The following ALS2CL variants were observed in gnomAD, a reference collection of about 807,000 sequenced individuals.
ALS2CL encodes ALS2 C-terminal like.
In ALS2CL, 112 loss-of-function variants were observed where a neutral mutation model predicts 127.9. The ratio of observed to expected loss-of-function variants is 0.88; its 90% confidence interval spans 0.75 to 1.02. ALS2CL has a LOEUF of 1.02. Ranked by LOEUF, ALS2CL falls within the 50% of genes least tolerant of loss-of-function variation. ALS2CL has a pLI of 0.00. For synonymous variants in ALS2CL, 519 were observed against 527.6 expected, an observed-to-expected ratio of 0.98 and a Z score of 0.22; for missense variants, 1,174 against 1,236.7, an observed-to-expected ratio of 0.95 and a Z score of 0.76.
At chr3:46,687,569 C>T (rs1490781160) in intron 4 of ALS2CL, 50 bp downstream of exon 4, 2 of 1,601,560 alleles carry the variant, frequency 1.2e-6, no homozygotes, top group Non-Finnish European at 1.7e-6. Flanking sequence ...CCCACCCTCA[C>T]TCAGGCACTC....
chr3:46,671,427 A>T, intron 25 of ALS2CL, 61 bp downstream of exon 25: 1 of 1,604,746 alleles, frequency 6.2e-7, no homozygotes, highest in Non-Finnish European at 8.5e-7. Context: ...CTGGGAAGGG[A>T]AAAGGGTCTG....
At chr3:46,688,339 C>A (rs112038803) in intron 2 of ALS2CL, 43 bp from the exon 3 acceptor site, 1 of 1,581,168 alleles carries the variant, frequency 6.3e-7, no homozygotes, top group Non-Finnish European at 8.6e-7. Flanking sequence ...AGGACGTGGG[C>A]TCCATCTCCC....
At chr3:46,687,288 A>T in intron 4 of ALS2CL, 140 bp from the exon 5 acceptor site, 1 of 948,352 alleles carries the variant, frequency 1.1e-6, no homozygotes, top group Non-Finnish European at 1.5e-6. Flanking sequence ...TCAGATCAAC[A>T]CAGTACCTGA....
chr3:46,687,586 T>C (rs767374958), intron 4 of ALS2CL, 33 bp downstream of exon 4: 16 of 1,608,366 alleles, frequency 9.9e-6, no homozygotes, highest in Non-Finnish European at 8.5e-7. Flanking sequence ...ACTCCCACCC[T>C]GTCAGGGGCC....
At chr3:46,671,276 G>T (rs910914654) in intron 25 of ALS2CL, among the ~76,000 whole-genome samples, 1 of 152,148 alleles carries the variant, frequency 6.6e-6, no homozygotes, top group Non-Finnish European at 1.5e-5. Context: ...ATGGCCCCAG[G>T]GTCCCCAGGG....
intron 1 of ALS2CL, among the ~76,000 whole-genome samples, chr3:46,690,940 G>C (rs1290277242): frequency 6.6e-6 from 1 of 152,246 alleles, no homozygotes; most frequent in Non-Finnish European, 1.5e-5. Context: ...TCTGGCCAAA[G>C]GCCCAGGCCA....
In ALS2CL at chr3:46,676,792, C is replaced by T. The variant is rs1264712463; in HGVS notation, c.1932-54G>A. 1.4e-5 allele frequency: 22 copies of T among 1,607,606 alleles called. No individual in the cohort carries two copies. The South Asian group carries it at 1.9e-4, about 14-fold the overall frequency. ...CACACCTCGGCCCAGCCCCCTCCCC[C>T]CAGGAAGCCCTCCCCAGCCCACCCT... On this transcript the variant is annotated intron_variant, in intron 17 of 25. Coordinates refer to ENST00000318962, the MANE Select transcript of ALS2CL (RefSeq NM_147129.5).
In ALS2CL at chr3:46,688,247, T is replaced by C; in HGVS notation, c.153A>G (p.Gln51=). 1 of 1,612,904 alleles carries C rather than the reference T, an allele frequency of 6.2e-7. No individual in the cohort carries two copies. The highest frequency in any genetic ancestry group is 8.5e-7 in the Non-Finnish European group (1 of 1,179,964). ...GTTGCTGGGAGCTCTTGTGCAGCTG[T>C]TGCAAGAGCCGCAGGCACTCTCTGC... ...PWGRECLRLL[Q]QLHKSSQQLW... Residue 51 remains glutamine, a synonymous_variant, in exon 3 of 26, where the codon CAA becomes CAG. Coordinates refer to ENST00000318962, the MANE Select transcript of ALS2CL (RefSeq NM_147129.5).
chr3:46,685,456 T>C, intron 7 of ALS2CL, 69 bp downstream of exon 7: 1 of 1,585,246 alleles, frequency 6.3e-7, no homozygotes, highest in East Asian at 2.3e-5. Flanking sequence ...GCCCCTTTAC[T>C]GCTCCTTTTC....
intron 19 of ALS2CL, 61 bp from the exon 20 acceptor site, chr3:46,675,747 C>T: frequency 6.2e-7 from 1 of 1,608,684 alleles, no homozygotes; most frequent in Admixed American, 1.7e-5. Context: ...GGAGTTCTAC[C>T]ACCAGTCAAC....
At position 46,689,434 on chromosome 3, in the gene ALS2CL, T is replaced by C; in HGVS notation, c.7A>G (p.Asn3Asp). Residue 3 changes from asparagine (N) to aspartate (D), a missense_variant, in exon 2 of 26, where the codon AAC (asparagine) becomes GAC (aspartate). Coordinates refer to ENST00000318962, the MANE Select transcript of ALS2CL (RefSeq NM_147129.5). ...CGCAGCAGAGCTGCCTCCTCAGGGT[T>C]GCACATGGCCAGGTGCCGGACTCAG... The part of the protein sequence containing the change: MC[N>D]PEEAALLRLE... 6.2e-7 allele frequency: 1 copy of C among 1,609,260 alleles called. No individual in the cohort carries two copies. The highest frequency in any genetic ancestry group is 8.5e-7 in the Non-Finnish European group (1 of 1,178,340).
In ALS2CL at chr3:46,687,112, C is replaced by G. The variant is rs1223774225; in HGVS notation, c.405G>C (p.Gln135His). 4 of 1,568,658 alleles carry G rather than the reference C, an allele frequency of 2.5e-6. No individual in the cohort carries two copies. The South Asian group carries it at 3.5e-5, about 14-fold the overall frequency. Residue 135 changes from glutamine (Q) to histidine (H), a missense_variant, in exon 5 of 26, where the codon CAG becomes CAC. Gln to His is a conservative substitution (Grantham distance 24). Coordinates refer to ENST00000318962, the MANE Select transcript of ALS2CL (RefSeq NM_147129.5). ...YWRGQRKALRQLLSGVSSEGS... is the reference protein window; with the variant it reads ...YWRGQRKALRHLLSGVSSEGS... ...CCTCTGAGCTCACACCTGAAAGCAG[C>G]TGCCGCAGCGCCTTCCGCTGGCCCC...
At chr3:46,674,255 G>A (rs1386010042) in intron 21 of ALS2CL, among the ~76,000 whole-genome samples, 2 of 152,222 alleles carry the variant, frequency 1.3e-5, no homozygotes, top group African/African-American at 4.8e-5. Context: ...GGGGCTCTGA[G>A]GGAGCTGTTG....
At chr3:46,684,094 C>T in intron 7 of ALS2CL, 47 bp from the exon 8 acceptor site, 3 of 1,543,036 alleles carry the variant, frequency 1.9e-6, no homozygotes, top group Non-Finnish European at 2.6e-6. Flanking sequence ...AGGCCAGATG[C>T]TCACCTACCC....
intron 14 of ALS2CL, 113 bp downstream of exon 14, chr3:46,680,317 C>G: frequency 8.4e-7 from 1 of 1,195,148 alleles, no homozygotes. Flanking sequence ...CTCCAGCACC[C>G]AGGAACACAG....
rs1698824034 is a variant in ALS2CL, at chr3:46,676,415, A to G, written c.2029-13T>C. On this transcript the variant is annotated splice_polypyrimidine_tract_variant and intron_variant, in intron 18 of 25. Coordinates refer to ENST00000318962, the MANE Select transcript of ALS2CL (RefSeq NM_147129.5). Reference sequence around the variant, plus strand: ...AGTTGCTCAGAGCCTGGGCCAGTGCATAGGCAACAGAGAGAGACTAAGCAC... The same window carrying G: ...AGTTGCTCAGAGCCTGGGCCAGTGCGTAGGCAACAGAGAGAGACTAAGCAC... 1 of 1,613,530 alleles carries G rather than the reference A, an allele frequency of 6.2e-7. No individual in the cohort carries two copies.
In ALS2CL at chr3:46,678,343, C is replaced by A. The variant is rs1699040256; in HGVS notation, c.1673G>T (p.Gly558Val). 1.6e-5 allele frequency: 26 copies of A among 1,613,408 alleles called. No individual in the cohort carries two copies. Among genetic ancestry groups the A allele is most frequent in the Non-Finnish European group, 2.1e-5 (25 of 1,179,620 alleles). ...GTGCAGTCCTCTCCCTGCCCCACTGCCGAACGAGCCCTCCAGGGTGAAGCC... is the reference window on the plus strand; with the variant it reads ...GTGCAGTCCTCTCCCTGCCCCACTGACGAACGAGCCCTCCAGGGTGAAGCC... ...PNGFTLEGSF[G>V]SGAGRGLHTQ... is the part of the protein sequence containing the mutation. Residue 558 changes from glycine (G) to valine (V), a missense_variant, in exon 16 of 26, where the codon GGC becomes GTC. Transcript: ENST00000318962.
At chr3:46,675,153 G>C (rs1698709759) in intron 20 of ALS2CL, 1 of 206,116 alleles carries the variant, frequency 4.9e-6, no homozygotes, top group Non-Finnish European at 9.7e-6. Context: ...CTGCAAGGCA[G>C]TGACAGGAAG....
At chr3:46,673,928 C>T (rs1430728727) in intron 21 of ALS2CL, among the ~76,000 whole-genome samples, 1 of 152,154 alleles carries the variant, frequency 6.6e-6, no homozygotes, top group Non-Finnish European at 1.5e-5. Flanking sequence ...AGACAGTGCC[C>T]GTGCCCTCTA....
Sources: allele counts gnomAD v4.1 joint callset (sites outside exome capture counted in the v4.1 genomes callset), GRCh38; gene constraint gnomAD v4.1.1; transcripts MANE v1.5; gene names NCBI Gene and HGNC (gene_info 2026-07-23, HGNC 2026-07-21).